ZFHX3: variants seen among roughly 807,000 people sequenced by gnomAD.
ZFHX3 encodes zinc finger homeobox protein 3.
In ZFHX3, 42 loss-of-function variants were observed where a neutral mutation model predicts 279.1. That is an observed-to-expected ratio of 0.15 (90% CI 0.12 to 0.19). The LOEUF (loss-of-function observed/expected upper bound fraction) is 0.19. Among genes scored for constraint, ZFHX3 ranks in the 10% least tolerant of loss-of-function variants. ZFHX3 has a pLI of 1.00. For synonymous variants in ZFHX3, 2,293 were observed against 1,957.8 expected, an observed-to-expected ratio of 1.17 and a Z score of -4.52; for missense variants, 4,981 against 4,754.0, an observed-to-expected ratio of 1.05 and a Z score of -1.40.
At chr16:72,827,188 C>T (rs2036953623) in intron 5 of ZFHX3, among the ~76,000 whole-genome samples, 1 of 152,170 alleles carries the variant, frequency 6.6e-6, no homozygotes, top group Admixed American at 6.5e-5. Flanking sequence ...TCTCCCTCAG[C>T]TCAAAATTCC....
rs369782491 is a variant in ZFHX3, at chr16:73,706,335, G to A, written c.-1607-26095C>T. On this transcript the variant is annotated intron_variant, in intron 1 of 17. Coordinates refer to the ZFHX3 transcript ENST00000641206. The stretch of plus-strand genomic sequence containing the variant: ...AAATTAGCTGGGTGTCGTGGCAGGC[G>A]CCTGTAATCCCAGCTACTCGGGAGG... 8.1e-3 allele frequency among the ~76,000 whole-genome samples: 1,224 copies of A among 151,408 alleles called. 12 individuals carry two copies. The highest frequency in any genetic ancestry group is 0.051 in the Middle Eastern group (15 of 294).
chr16:73,029,753 T>C (rs1964628680), intron 1 of ZFHX3, among the ~76,000 whole-genome samples: 1 of 152,222 alleles, frequency 6.6e-6, no homozygotes, highest in Admixed American at 6.5e-5. Context: ...TAGGTGGCTG[T>C]TGTCATTACT....
intron 6 of ZFHX3, among the ~76,000 whole-genome samples, chr16:73,140,245 A>G (rs1966843900): frequency 6.6e-6 from 1 of 152,126 alleles, no homozygotes; most frequent in Non-Finnish European, 1.5e-5. Context: ...TGGGAGACAG[A>G]GTGAAACCCT....
intron 5 of ZFHX3, among the ~76,000 whole-genome samples, chr16:73,191,739 G>A (rs79233695): frequency 5.3e-5 from 8 of 150,602 alleles, no homozygotes; most frequent in South Asian, 4.2e-4. Context: ...TTTTTTCTGC[G>A]GGAAGACAAC....
chr16:72,846,117 G>T, intron 4 of ZFHX3, among the ~76,000 whole-genome samples: 1 of 152,226 alleles, frequency 6.6e-6, no homozygotes, highest in East Asian at 1.9e-4. Flanking sequence ...ATGGGGCAGG[G>T]GCAGGAAGGA....
chr16:72,855,248 T>A (rs530721806), intron 4 of ZFHX3, among the ~76,000 whole-genome samples: 1 of 152,276 alleles, frequency 6.6e-6, no homozygotes, highest in East Asian at 1.9e-4. Context: ...TGCCTGACAA[T>A]GGGGAAAATG....
chr16:73,619,436 G>A (rs970499049), intron 2 of ZFHX3, among the ~76,000 whole-genome samples: 4 of 151,124 alleles, frequency 2.6e-5, no homozygotes, highest in African/African-American at 4.9e-5. Flanking sequence ...GGCAGTGAGC[G>A]GAGATCGTGC....
chr16:72,829,164 C>T (rs1350458864), intron 5 of ZFHX3, among the ~76,000 whole-genome samples: 4 of 147,866 alleles, frequency 2.7e-5, no homozygotes, highest in Non-Finnish European at 5.9e-5. Flanking sequence ...GCCACCACAC[C>T]CAGCATTTTT....
At position 72,786,521 on chromosome 16, in the gene ZFHX3, T is replaced by C. The variant is rs1024534291; in HGVS notation, c.*643A>G. ...CCCCAGAAAGCTAAAGCAGTTCACA[T>C]TGTTTTTCTTGAATACTTTCTGCCC... On this transcript the variant is annotated 3_prime_UTR_variant, in exon 10 of 10. Transcript: ENST00000268489. 1 of 150,702 alleles carries C rather than the reference T, an allele frequency of 6.6e-6. No individual in the cohort carries two copies. Among genetic ancestry groups the C allele is most frequent in the African/African-American group, 2.4e-5 (1 of 40,914 alleles). The allele number at this position is 150,702 out of a possible 1,614,324, so 9.3% of individuals were successfully genotyped here.
In ZFHX3 at chr16:73,288,129, G is replaced by C. The variant is rs139399422; in HGVS notation, c.-1194+30111C>G. 7.7e-3 allele frequency among the ~76,000 whole-genome samples: 1,171 copies of C among 151,830 alleles called. 16 individuals carry two copies. Among genetic ancestry groups the C allele is most frequent in the East Asian group, 0.029 (149 of 5,146 alleles). ...AGCAGGGAGCCAAGGAGGAGGGTGG[G>C]GGTCTGGCTCTTTATCAGCCTCTCT... is the stretch of plus-strand genomic sequence containing the variant. On this transcript the variant is annotated intron_variant, in intron 4 of 17. Transcript: ENST00000641206.
chr16:73,007,755 T>C (rs995645485), intron 1 of ZFHX3, among the ~76,000 whole-genome samples: 1 of 151,840 alleles, frequency 6.6e-6, no homozygotes, highest in Non-Finnish European at 1.5e-5. Flanking sequence ...GGCCAGAACT[T>C]TTTTTTTAAT....
chr16:73,889,412 C>G (rs1225059462), intron 1 of ZFHX3, among the ~76,000 whole-genome samples: 1 of 152,152 alleles, frequency 6.6e-6, no homozygotes, highest in African/African-American at 2.4e-5. Context: ...GCACAGCTGC[C>G]TTCATCTGGG....
At chr16:73,140,253 C>G (rs1027518752) in intron 6 of ZFHX3, among the ~76,000 whole-genome samples, 3 of 151,628 alleles carry the variant, frequency 2.0e-5, no homozygotes, top group Admixed American at 1.3e-4. Context: ...AGAGTGAAAC[C>G]CTGTCTCAAA....
intron 3 of ZFHX3, among the ~76,000 whole-genome samples, chr16:73,429,003 T>C (rs1304915362): frequency 6.6e-6 from 1 of 152,166 alleles, no homozygotes; most frequent in Non-Finnish European, 1.5e-5. Context: ...GACATCCAGG[T>C]ATGCCACTGG....
At chr16:73,835,202 A>C (rs942524323) in intron 1 of ZFHX3, among the ~76,000 whole-genome samples, 1 of 152,112 alleles carries the variant, frequency 6.6e-6, no homozygotes, top group African/African-American at 2.4e-5. Flanking sequence ...TGAGATGGGG[A>C]AGTAAATTTA....
chr16:73,091,119 A>G (rs1488096054), intron 8 of ZFHX3, among the ~76,000 whole-genome samples: 1 of 151,312 alleles, frequency 6.6e-6, no homozygotes, highest in Non-Finnish European at 1.5e-5. Flanking sequence ...GCTGAGGCAA[A>G]AGAATGGCAT....
At chr16:73,868,486 T>C (rs2142398080) in intron 1 of ZFHX3, among the ~76,000 whole-genome samples, 1 of 152,362 alleles carries the variant, frequency 6.6e-6, no homozygotes, top group Admixed American at 6.5e-5. Context: ...ATCACGCCAC[T>C]GCACTCCAGC....
chr16:72,846,867 C>T (rs746544680), intron 4 of ZFHX3, among the ~76,000 whole-genome samples: 8 of 152,140 alleles, frequency 5.3e-5, no homozygotes, highest in Non-Finnish European at 1.0e-4. Flanking sequence ...AGAGGGGAAG[C>T]GGACCAGTGG....
At chr16:73,180,918 C>T (rs990408949) in intron 5 of ZFHX3, among the ~76,000 whole-genome samples, 9 of 152,178 alleles carry the variant, frequency 5.9e-5, no homozygotes, top group African/African-American at 1.2e-4. Flanking sequence ...CCGCCTTGGC[C>T]GCCCAAAGTG....
Sources: allele counts gnomAD v4.1 joint callset (sites outside exome capture counted in the v4.1 genomes callset), GRCh38; gene constraint gnomAD v4.1.1; transcripts MANE v1.5; gene names NCBI Gene and HGNC (gene_info 2026-07-23, HGNC 2026-07-21).